The following PHACTR3 variants were observed in gnomAD, a reference collection of about 807,000 sequenced individuals.
PHACTR3 encodes the protein protein phosphatase 1, regulatory subunit 123.
A neutral mutation model predicts 66.8 loss-of-function variants in PHACTR3; 16 were observed. That is an observed-to-expected ratio of 0.24 (90% CI 0.16 to 0.36). The LOEUF is 0.36. PHACTR3 is among the 10% of genes least tolerant of loss of function. The probability of loss-of-function intolerance (pLI) is 1.00; values close to 1 mark genes in which losing one functional copy is unlikely to be tolerated. For synonymous variants in PHACTR3, 323 were observed against 292.1 expected (o/e 1.11, Z -1.08); for missense variants, 647 against 719.9 (o/e 0.90, Z 1.16).
chr20:59,662,994 C>T (rs1237784437), intron 1 of PHACTR3, among the ~76,000 whole-genome samples: 1 of 152,212 alleles, frequency 6.6e-6, no homozygotes, highest in Non-Finnish European at 1.5e-5. Flanking sequence ...GAAGTCAAGG[C>T]ATCAGTAGGG....
In PHACTR3 at chr20:59,814,333, G is replaced by A. The variant is rs577536864; in HGVS notation, c.1328+8139G>A. Among the ~76,000 whole-genome samples, 9 of 152,316 alleles carry A rather than the reference G, an allele frequency of 5.9e-5. No homozygotes were observed. In the East Asian group the frequency reaches 1.7e-3, roughly 29 times the overall value. Reference sequence around the variant, plus strand: ...GAGGATGAACGGCAGGCCTGTGGCTGAGGGAGGAGGGCCTGCCAGCCTAGG... The same window carrying A: ...GAGGATGAACGGCAGGCCTGTGGCTAAGGGAGGAGGGCCTGCCAGCCTAGG... On this transcript the variant is annotated intron_variant, in intron 8 of 12. Transcript: ENST00000371015.
intron 7 of PHACTR3, among the ~76,000 whole-genome samples, chr20:59,788,101 C>T (rs1037480838): frequency 1.3e-5 from 2 of 152,078 alleles, no homozygotes; most frequent in African/African-American, 4.8e-5. Context: ...ATCCTTTGCC[C>T]CCCTCCCACT....
intron 1 of PHACTR3, among the ~76,000 whole-genome samples, chr20:59,709,364 C>T (rs1483377880): frequency 6.6e-6 from 1 of 152,140 alleles, no homozygotes; most frequent in African/African-American, 2.4e-5. Flanking sequence ...CCACATAAAT[C>T]CATTTGGGAT....
chr20:59,822,133 G>A (rs1269223824), intron 8 of PHACTR3, among the ~76,000 whole-genome samples: 1 of 37,486 alleles, frequency 2.7e-5, no homozygotes. Context: ...CCCCTCCGCA[G>A]CGATCCCACC....
intron 1 of PHACTR3, among the ~76,000 whole-genome samples, chr20:59,686,725 A>G (rs1425085912): frequency 9.7e-5 from 9 of 92,378 alleles, no homozygotes; most frequent in East Asian, 3.7e-4. Context: ...GGTGGTGGTT[A>G]TGATGATGGT....
chr20:59,765,414 A>G (rs933839545), intron 4 of PHACTR3, among the ~76,000 whole-genome samples: 1 of 152,166 alleles, frequency 6.6e-6, no homozygotes, highest in Non-Finnish European at 1.5e-5. Context: ...ACTTCATAAC[A>G]CAGAGCTGAG....
At position 59,787,557 on chromosome 20, in the gene PHACTR3, T is replaced by A. The variant is rs984160929; in HGVS notation, c.1174+13067T>A. ...AAAATGCACAAGAGATATAGGGACA[T>A]CTTTGTGGCTGTTGTTCTGCCAACA... On this transcript the variant is annotated intron_variant, in intron 7 of 12. Coordinates refer to ENST00000371015, the MANE Select transcript of PHACTR3 (RefSeq NM_080672.5). Among the ~76,000 whole-genome samples the A allele has an allele frequency of 6.6e-5, 10 of 152,298 alleles. No individual in the cohort carries two copies. In the South Asian group the frequency reaches 1.7e-3, roughly 25 times the overall value.
At chr20:59,650,688 A>G (rs537253435) in intron 1 of PHACTR3, among the ~76,000 whole-genome samples, 7 of 140,206 alleles carry the variant, frequency 5.0e-5, no homozygotes, top group African/African-American at 1.6e-4. Context: ...AGAAAATCAC[A>G]TTTGTAAGTG....
chr20:59,585,061 C>T (rs1176572893), intron 1 of PHACTR3, among the ~76,000 whole-genome samples: 3 of 152,188 alleles, frequency 2.0e-5, no homozygotes, highest in South Asian at 2.1e-4. Flanking sequence ...TGGCTGGGAA[C>T]GTGAGCGGGG....
intron 1 of PHACTR3, among the ~76,000 whole-genome samples, chr20:59,637,487 A>G (rs1349527057): frequency 1.3e-5 from 2 of 152,174 alleles, no homozygotes; most frequent in East Asian, 3.9e-4. Flanking sequence ...CTTAGCTCAC[A>G]TGAAATCCAA....
At chr20:59,733,200 T>C (rs775276959) in intron 1 of PHACTR3, among the ~76,000 whole-genome samples, 7 of 152,202 alleles carry the variant, frequency 4.6e-5, no homozygotes, top group South Asian at 2.1e-4. Flanking sequence ...TTGGATGGTA[T>C]GACCCTTGTT....
chr20:59,675,309 T>C (rs949828978), intron 1 of PHACTR3, among the ~76,000 whole-genome samples: 1 of 151,918 alleles, frequency 6.6e-6, no homozygotes, highest in Non-Finnish European at 1.5e-5. Context: ...GGGTACCCCA[T>C]TGTACAGGTG....
chr20:59,582,133 G>T (rs184293133), intron 1 of PHACTR3, among the ~76,000 whole-genome samples: 1 of 152,100 alleles, frequency 6.6e-6, no homozygotes, highest in Admixed American at 6.5e-5. Flanking sequence ...GCCACCTTTC[G>T]CCCTTCCCCA....
chr20:59,745,469 C>T (rs1409955239), intron 2 of PHACTR3, among the ~76,000 whole-genome samples: 1 of 152,218 alleles, frequency 6.6e-6, no homozygotes, highest in East Asian at 1.9e-4. Flanking sequence ...GCAGCATCCC[C>T]ACCTTCAGGA....
At chr20:59,676,917 C>G (rs2036468877) in intron 1 of PHACTR3, among the ~76,000 whole-genome samples, 1 of 149,626 alleles carries the variant, frequency 6.7e-6, no homozygotes, top group African/African-American at 2.5e-5. Context: ...CGGATGACTG[C>G]ATTTGGAGTC....
chr20:59,753,913 G>T (rs1019280273), intron 3 of PHACTR3, among the ~76,000 whole-genome samples: 8 of 152,174 alleles, frequency 5.3e-5, no homozygotes, highest in Non-Finnish European at 8.8e-5. Context: ...TGAAGTAAAT[G>T]TTGCCTCCTC....
rs955062297 is a variant in PHACTR3 at position 59,635,994 on chromosome 20, A to G, written c.118+30862A>G. 4.8e-4 allele frequency among the ~76,000 whole-genome samples: 73 copies of G among 152,322 alleles called. 1 individual carries two copies. Among genetic ancestry groups the G allele is most frequent in the African/African-American group, 1.6e-3 (68 of 41,566 alleles). ...AGGTCCTCCTAAGAGACTTTGATCA[A>G]TGTATGTTTCTACAGAAAATGTTAG... On this transcript the variant is annotated intron_variant, in intron 1 of 12. Coordinates refer to ENST00000371015, the MANE Select transcript of PHACTR3 (RefSeq NM_080672.5).
chr20:59,607,947 C>T (rs2033721520), intron 1 of PHACTR3, among the ~76,000 whole-genome samples: 1 of 152,186 alleles, frequency 6.6e-6, no homozygotes, highest in African/African-American at 2.4e-5. Context: ...CTGAGAATTT[C>T]CTCTAGGGTG....
intron 7 of PHACTR3, among the ~76,000 whole-genome samples, chr20:59,794,885 G>T (rs1205946494): frequency 6.6e-6 from 1 of 152,016 alleles, no homozygotes; most frequent in Non-Finnish European, 1.5e-5. Context: ...GGTATCTAAT[G>T]TTCCATTTTT....
Sources: gnomAD v4.1 joint callset for allele counts (sites outside exome capture counted in the v4.1 genomes callset) on GRCh38, gnomAD v4.1.1 for gene constraint, MANE v1.5 for transcripts, NCBI Gene and HGNC (gene_info 2026-07-23, HGNC 2026-07-21) for gene names.